The following ARID3B variants were observed in gnomAD, a reference collection of about 807,000 sequenced individuals.
ARID3B encodes the protein AT-rich interaction domain 3B, also known as AT-rich interactive domain-containing protein 3B.
Under a neutral mutation model 51.9 loss-of-function variants are expected in ARID3B, and 10 were observed. The observed-to-expected ratio is 0.19, with a 90% CI of 0.12 to 0.33. The LOEUF (loss-of-function observed/expected upper bound fraction) is 0.33, where lower values mean the gene tolerates loss of function less well. ARID3B is among the 10% of genes least tolerant of loss of function. The probability of loss-of-function intolerance (pLI) is 1.00; values close to 1 mark genes in which losing one functional copy is unlikely to be tolerated. For synonymous variants in ARID3B, 205 were observed against 279.5 expected, an observed-to-expected ratio of 0.73 and a Z score of 2.66; for missense variants, 483 against 716.3, an observed-to-expected ratio of 0.67 and a Z score of 3.72.
intron 2 of ARID3B, among the ~76,000 whole-genome samples, chr15:74,561,608 T>C (rs977300553): frequency 3.9e-5 from 6 of 152,258 alleles, no homozygotes; most frequent in African/African-American, 1.4e-4. Context: ...GGTCACTTTG[T>C]AACCAAGTCA....
intron 8 of ARID3B, among the ~76,000 whole-genome samples, chr15:74,593,503 T>G (rs1230216151): frequency 4.6e-5 from 7 of 152,228 alleles, no homozygotes; most frequent in Admixed American, 3.3e-4. Context: ...AAGAAGTCAG[T>G]CAGTGTCCCA....
In ARID3B at chr15:74,597,172, A is replaced by T. The variant is rs2061830189; in HGVS notation, c.*1398A>T. On this transcript the variant is annotated 3_prime_UTR_variant, in exon 9 of 9. Transcript: ENST00000346246. ...AGAGGTTGAGCCGCCCCAGGGTATG[A>T]GGAGATGAATAACTCCACAGCTCCT... is the stretch of plus-strand genomic sequence containing the variant. 1 of 278,026 alleles carries T rather than the reference A, an allele frequency of 3.6e-6. No homozygotes were observed. The highest frequency in any genetic ancestry group is 6.9e-6 in the Non-Finnish European group (1 of 145,472). The allele number at this position is 278,026 out of a possible 1,614,324, so 17.2% of individuals were successfully genotyped here.
chr15:74,584,955 T>G (rs952819914), intron 4 of ARID3B, among the ~76,000 whole-genome samples: 1 of 152,230 alleles, frequency 6.6e-6, no homozygotes, highest in African/African-American at 2.4e-5. Context: ...AAGGGGCCTC[T>G]TTGTTGCAAC....
intron 2 of ARID3B, among the ~76,000 whole-genome samples, chr15:74,567,563 A>G (rs1316759257): frequency 2.0e-5 from 3 of 152,058 alleles, no homozygotes; most frequent in African/African-American, 7.2e-5. Flanking sequence ...AAGGGCCCCT[A>G]GAGACCATCT....
At chr15:74,595,502 A>G (rs1264027355) in intron 8 of ARID3B, 109 bp from the exon 9 acceptor site, 2 of 1,258,532 alleles carry the variant, frequency 1.6e-6, no homozygotes, top group Non-Finnish European at 2.2e-6. Flanking sequence ...CACAGTGTCT[A>G]CAGCGGAGTC....
chr15:74,593,112 G>A (rs1173861666), intron 7 of ARID3B, 26 bp from the exon 8 acceptor site: 1 of 1,606,996 alleles, frequency 6.2e-7, no homozygotes. Flanking sequence ...GCTTGACCAG[G>A]CCCACTGTCT....
At chr15:74,560,896 C>G (rs912937277) in intron 2 of ARID3B, among the ~76,000 whole-genome samples, 2 of 152,090 alleles carry the variant, frequency 1.3e-5, no homozygotes, top group African/African-American at 4.8e-5. Context: ...TGTTAATTAC[C>G]CTCAAAGATA....
chr15:74,549,564 T>TAA (rs372965973), intron 2 of ARID3B, among the ~76,000 whole-genome samples: 7 of 122,492 alleles, frequency 5.7e-5, no homozygotes, highest in East Asian at 2.2e-4. Flanking sequence ...TGAGATGGTG[T>TAA]AAAAAAAAAA....
chr15:74,581,878 A>C (rs2061763054), intron 4 of ARID3B, among the ~76,000 whole-genome samples: 1 of 152,216 alleles, frequency 6.6e-6, no homozygotes, highest in Non-Finnish European at 1.5e-5. Context: ...AAATCATCTA[A>C]GAGTTGGTAT....
intron 4 of ARID3B, among the ~76,000 whole-genome samples, chr15:74,577,734 T>C (rs953044633): frequency 1.1e-4 from 16 of 152,100 alleles, no homozygotes; most frequent in Non-Finnish European, 2.9e-5. Context: ...GAGGCCCTTA[T>C]GTTGCCCAGG....
intron 4 of ARID3B, among the ~76,000 whole-genome samples, chr15:74,585,485 T>C (rs1249172804): frequency 1.3e-5 from 2 of 152,250 alleles, no homozygotes; most frequent in African/African-American, 2.4e-5. Context: ...AATATTACTC[T>C]CTAATTCAGG....
chr15:74,572,130 G>A (rs1425719012), intron 2 of ARID3B, among the ~76,000 whole-genome samples: 1 of 151,886 alleles, frequency 6.6e-6, no homozygotes, highest in Non-Finnish European at 1.5e-5. Context: ...AAAAAAAAAA[G>A]TTACTGGACT....
At chr15:74,561,857 A>G (rs1020895875) in intron 2 of ARID3B, among the ~76,000 whole-genome samples, 3 of 152,204 alleles carry the variant, frequency 2.0e-5, no homozygotes, top group African/African-American at 7.2e-5. Flanking sequence ...TACCCATACA[A>G]CTATTCTGTT....
In ARID3B at chr15:74,591,042, C is replaced by T. The variant is rs1295249700; in HGVS notation, c.882-109C>T. 4.0e-6 allele frequency: 6 copies of T among 1,491,468 alleles called. No homozygotes were observed. Among genetic ancestry groups the T allele is most frequent in the Non-Finnish European group, 4.5e-6 (5 of 1,113,862 alleles). The allele number at this position is 1,491,468 out of a possible 1,614,324, so 92.4% of individuals were successfully genotyped here. On this transcript the variant is annotated intron_variant, in intron 5 of 8. Coordinates refer to ENST00000346246, the MANE Select transcript of ARID3B (RefSeq NM_006465.4). This position sits in a 1 kb window ranked among gnomAD's most constrained non-coding sequence, Gnocchi z 5.8. The stretch of plus-strand genomic sequence containing the variant: ...AGTATACCAAGGTTGCAATCCTTTG[C>T]CCTAGAGTCCTGCCCAACAGAGACT...
chr15:74,544,463 G>C lies in ARID3B; in HGVS notation c.527G>C (p.Trp176Ser). 6.2e-7 allele frequency: 1 copy of C among 1,613,980 alleles called. No homozygotes were observed. Among genetic ancestry groups the C allele is most frequent in the Non-Finnish European group, 8.5e-7 (1 of 1,179,938 alleles). ...GTCTCCACAGCAGGACAGCCGAACTGGAATCTGGATGAGCAGCTCAAGCAG... is the reference window on the plus strand; with the variant it reads ...GTCTCCACAGCAGGACAGCCGAACTCGAATCTGGATGAGCAGCTCAAGCAG... ...PSVSTAGQPN[W>S]NLDEQLKQNG... Residue 176 changes from tryptophan (W) to serine (S), a missense_variant, in exon 2 of 9, where the codon TGG becomes TCG. By Grantham distance (177) the Trp-to-Ser change is radical (BLOSUM62 -3). Coordinates refer to ENST00000346246, the MANE Select transcript of ARID3B (RefSeq NM_006465.4).
chr15:74,554,895 ATG>A (rs1463275057), intron 2 of ARID3B, among the ~76,000 whole-genome samples: 2 of 152,154 alleles, frequency 1.3e-5, no homozygotes, highest in African/African-American at 4.8e-5. Flanking sequence ...TATAAAAATT[ATG>A]TTTATTCTCT....
intron 2 of ARID3B, 68 bp from the exon 3 acceptor site, chr15:74,572,794 C>A: frequency 6.8e-7 from 1 of 1,470,258 alleles, no homozygotes; most frequent in Non-Finnish European, 9.5e-7. Flanking sequence ...TAAATGATTG[C>A]CTTGCCCTCT....
chr15:74,549,564 TA>T lies in ARID3B; in HGVS notation c.552+5091del, dbSNP rs372965973. 5.9e-3 allele frequency among the ~76,000 whole-genome samples: 717 copies of T among 122,230 alleles called. 1 individual carries two copies. The highest frequency in any genetic ancestry group is 0.013 in the Middle Eastern group (3 of 232). The allele number at this position is 122,230 out of a possible 152,430, so 80.2% of individuals were successfully genotyped here. On this transcript the variant is annotated intron_variant, in intron 2 of 8. Coordinates refer to ENST00000346246, the MANE Select transcript of ARID3B (RefSeq NM_006465.4). ...GTTTGGATGACAGAGTGAGATGGTG[TA>T]AAAAAAAAAAAAAAGGGAAAAAGAA...
chr15:74,568,347 A>C (rs796869282), intron 2 of ARID3B, among the ~76,000 whole-genome samples: 19 of 152,300 alleles, frequency 1.2e-4, no homozygotes, highest in African/African-American at 4.6e-4. Flanking sequence ...CTCCTTATCC[A>C]GAACACTTCG....
Sources: gnomAD v4.1 joint callset for allele counts (sites outside exome capture counted in the v4.1 genomes callset) on GRCh38, gnomAD v4.1.1 for gene constraint, Gnocchi (gnomAD v3.1) non-coding constraint, MANE v1.5 for transcripts, NCBI Gene and HGNC (gene_info 2026-07-23, HGNC 2026-07-21) for gene names.